Variants in TRIM3 observed in about 807,000 individuals in gnomAD.
The protein encoded by TRIM3 is tripartite motif-containing protein 3.
TRIM3 carries 13 observed loss-of-function variants against 66.6 expected under a neutral mutation model. The ratio of observed to expected loss-of-function variants is 0.20; its 90% confidence interval spans 0.13 to 0.31. The LOEUF (loss-of-function observed/expected upper bound fraction) is 0.31. Among genes scored for constraint, TRIM3 ranks in the 10% least tolerant of loss-of-function variants. The probability of loss-of-function intolerance (pLI) is 1.00; values close to 1 mark genes in which losing one functional copy is unlikely to be tolerated. For synonymous variants in TRIM3, 406 were observed against 411.7 expected (o/e 0.99, Z 0.17); for missense variants, 711 against 1,020.4 (o/e 0.70, Z 4.13).
Position 6,451,456 on chromosome 11 carries a change from G to A in TRIM3, c.1534-18C>T. ...GAGAAAACCTGGAGCAGAGGAGCAA[G>A]GGGAGGGAGCAGGTAGGAGGGGAGA... On this transcript the variant is annotated intron_variant, in intron 7 of 11. Coordinates refer to ENST00000345851, the MANE Select transcript of TRIM3 (RefSeq NM_033278.4). The A allele has an allele frequency of 6.2e-7, 1 of 1,613,434 alleles. No homozygotes were observed. Among genetic ancestry groups the A allele is most frequent in the Non-Finnish European group, 8.5e-7 (1 of 1,179,504 alleles).
rs1368956155 is a variant in TRIM3, at chr11:6,456,621, G to T, written c.1105C>A (p.Pro369Thr). ...SAELRAEITG[P>T]DGTRLPVPVV... ...GGCACCGGAAGGCGCGTGCCGTCCG[G>T]GCCGGTGATCTCTGCACGCAGCTCA... is the stretch of plus-strand genomic sequence containing the variant. Residue 369 changes from proline to threonine, a missense_variant, in exon 6 of 12, where the codon CCG (proline) becomes ACG (threonine). Pro to Thr is a conservative substitution (Grantham distance 38). Transcript: ENST00000345851. This position sits in a 1 kb window ranked among gnomAD's most constrained non-coding sequence, Gnocchi z 6.4. 2 of 1,612,652 alleles carry T rather than the reference G, an allele frequency of 1.2e-6. No homozygotes were observed. The highest frequency in any genetic ancestry group is 2.7e-5 in the African/African-American group (2 of 74,934).
intron 2 of TRIM3, among the ~76,000 whole-genome samples, chr11:6,463,454 A>G (rs1850325419): frequency 6.6e-6 from 1 of 152,128 alleles, no homozygotes; most frequent in African/African-American, 2.4e-5. Flanking sequence ...GGCACAGGAG[A>G]AAGTGCAGAG....
Position 6,449,812 on chromosome 11 carries a change from G to C in TRIM3, c.1942-366C>G. ...ATTCCATCTCAAATCCCTCTCTCAA[G>C]TCTATACCCTATGCATACACTGTCT... On this transcript the variant is annotated intron_variant, in intron 10 of 11. Transcript: ENST00000345851. The surrounding 1 kb of genome is among the most constrained non-coding windows in gnomAD (Gnocchi z 5.3). The C allele has an allele frequency of 4.4e-6, 1 of 226,246 alleles. No individual in the cohort carries two copies. The allele number at this position is 226,246 out of a possible 1,614,324, so 14.0% of individuals were successfully genotyped here.
chr11:6,469,311 T>TC (rs1348660174), intron 1 of TRIM3, among the ~76,000 whole-genome samples: 1 of 152,016 alleles, frequency 6.6e-6, no homozygotes, highest in East Asian at 1.9e-4. Flanking sequence ...CAATAGCTCC[T>TC]CCCCCACTCC....
chr11:6,463,074 G>A (rs1043782631), intron 2 of TRIM3, among the ~76,000 whole-genome samples: 5 of 150,730 alleles, frequency 3.3e-5, no homozygotes, highest in Non-Finnish European at 5.9e-5. Flanking sequence ...ATGTGGTGGC[G>A]TGCGCCTGTA....
In TRIM3 at chr11:6,450,567, T is replaced by C; in HGVS notation, c.1925A>G (p.His642Arg). 2 of 1,614,200 alleles carry C rather than the reference T, an allele frequency of 1.2e-6. No homozygotes were observed. Among genetic ancestry groups the C allele is most frequent in the Non-Finnish European group, 1.7e-6 (2 of 1,180,028 alleles). The change falls in exon 10 of 12, where the codon CAT (histidine) becomes CGT (arginine). Residue 642 changes from histidine (H) to arginine (R), a missense_variant. Coordinates refer to ENST00000345851, the MANE Select transcript of TRIM3 (RefSeq NM_033278.4). The surrounding 1 kb of genome is among the most constrained non-coding windows in gnomAD (Gnocchi z 4.8). Reference sequence around the variant, plus strand: ...GACACTGACCTTCACTGAATGGTTATGGAAGTCCGTTACTACAATTTCATT... The same window carrying C: ...GACACTGACCTTCACTGAATGGTTACGGAAGTCCGTTACTACAATTTCATT... ...NKNEIVVTDF[H>R]NHSVKVYSAD...
chr11:6,460,426 C>G (rs969826743), intron 2 of TRIM3, among the ~76,000 whole-genome samples: 1 of 151,862 alleles, frequency 6.6e-6, no homozygotes, highest in African/African-American at 2.4e-5. Flanking sequence ...ATGGAGGAGT[C>G]AGGAGAGAAG....
At chr11:6,452,706 T>A (rs971993549) in intron 7 of TRIM3, 2 of 152,190 alleles carry the variant, frequency 1.3e-5, no homozygotes, top group Admixed American at 6.5e-5. Flanking sequence ...GGAGATACCA[T>A]GAGCTCCACG....
intron 7 of TRIM3, among the ~76,000 whole-genome samples, chr11:6,453,690 G>C (rs1033021600): frequency 1.3e-5 from 2 of 152,170 alleles, no homozygotes; most frequent in African/African-American, 4.8e-5. Flanking sequence ...ATTACACAAG[G>C]ACATAATATA....
At chr11:6,461,798 T>C (rs1850252904) in intron 2 of TRIM3, among the ~76,000 whole-genome samples, 1 of 152,224 alleles carries the variant, frequency 6.6e-6, no homozygotes, top group Non-Finnish European at 1.5e-5. Flanking sequence ...TGCTCCTTTA[T>C]AATCCATTCT....
Position 6,450,918 on chromosome 11 carries a change from C to T in TRIM3, c.1844G>A (p.Arg615His), listed in dbSNP as rs115283984. The change falls in exon 9 of 12, where the codon CGT (arginine) becomes CAT (histidine). Residue 615 changes from arginine to histidine, a missense_variant. Arg to His is a conservative substitution (Grantham distance 29). Coordinates refer to ENST00000345851, the MANE Select transcript of TRIM3 (RefSeq NM_033278.4). The surrounding 1 kb of genome is among the most constrained non-coding windows in gnomAD (Gnocchi z 4.8). Reference protein sequence around the residue: ...NGKLVGRFGGRGATDRHFAGP... With the variant: ...NGKLVGRFGGHGATDRHFAGP... The stretch of plus-strand genomic sequence containing the variant: ...TGCAAAGTGGCGGTCAGTGGCCCCA[C>T]GGCCCCCAAAACGGCCAACCAGTTT... The T allele has an allele frequency of 8.1e-6, 13 of 1,614,138 alleles. No individual in the cohort carries two copies. The East Asian group carries it at 8.9e-5, about 11-fold the overall frequency.
intron 1 of TRIM3, among the ~76,000 whole-genome samples, chr11:6,467,342 G>C (rs1036190540): frequency 7.2e-5 from 11 of 152,154 alleles, no homozygotes; most frequent in East Asian, 3.8e-4. Flanking sequence ...CATGATAAAG[G>C]TTCTTAGGCA....
chr11:6,471,876 T>C (rs567605316), intron 1 of TRIM3, among the ~76,000 whole-genome samples: 1 of 151,780 alleles, frequency 6.6e-6, no homozygotes, highest in East Asian at 1.9e-4. Flanking sequence ...AACTAAGAAA[T>C]ATGGAACAGA....
At chr11:6,468,538 G>A (rs1378935382) in intron 1 of TRIM3, among the ~76,000 whole-genome samples, 1 of 152,158 alleles carries the variant, frequency 6.6e-6, no homozygotes, top group African/African-American at 2.4e-5. Context: ...AGAAATGGTA[G>A]GAAAACCAAA....
chr11:6,465,443 G>T, intron 2 of TRIM3, 122 bp downstream of exon 2: 1 of 1,254,738 alleles, frequency 8.0e-7, no homozygotes. Context: ...CTCCTCCCAG[G>T]TAAGCATGTT....
rs764617582 is a variant in TRIM3, at chr11:6,456,039, T to C, written c.1533+33A>G. On this transcript the variant is annotated intron_variant, in intron 7 of 11. Transcript: ENST00000345851. This position sits in a 1 kb window ranked among gnomAD's most constrained non-coding sequence, Gnocchi z 6.4. ...AGCCTGTAGCTTGAAAACTCTTATT[T>C]TGGTGGTGGAGGAGAGCGGTAAAGG... 4 of 1,597,826 alleles carry C rather than the reference T, an allele frequency of 2.5e-6. No homozygotes were observed. The highest frequency in any genetic ancestry group is 2.7e-5 in the African/African-American group (2 of 74,578).
At position 6,450,836 on chromosome 11, in the gene TRIM3, G is replaced by A. The variant is rs990989740; in HGVS notation, c.1870+56C>T. On this transcript the variant is annotated intron_variant, in intron 9 of 11. Coordinates refer to ENST00000345851, the MANE Select transcript of TRIM3 (RefSeq NM_033278.4). This position sits in a 1 kb window ranked among gnomAD's most constrained non-coding sequence, Gnocchi z 4.8. ...AGGGCCTTTACAGCTGGGGTATCTA[G>A]GGGAGTTCTCTGGAACAGGGGTATC... 6.1e-5 allele frequency: 98 copies of A among 1,602,974 alleles called. No homozygotes were observed. The highest frequency in any genetic ancestry group is 8.2e-5 in the Non-Finnish European group (96 of 1,172,522).
intron 8 of TRIM3, 53 bp downstream of exon 8, chr11:6,451,218 C>A: frequency 6.2e-7 from 1 of 1,607,106 alleles, no homozygotes; most frequent in South Asian, 1.1e-5. Flanking sequence ...AGGCACTAGA[C>A]TGGTCAGTTC....
At position 6,458,290 on chromosome 11, in the gene TRIM3, G is replaced by C; in HGVS notation, c.138C>G (p.Leu46=). The C allele has an allele frequency of 6.2e-7, 1 of 1,612,792 alleles. No homozygotes were observed. The highest frequency in any genetic ancestry group is 8.5e-7 in the Non-Finnish European group (1 of 1,178,956). The change falls in exon 3 of 12, where the codon CTC becomes CTG. Residue 46 remains leucine (L), a synonymous_variant. Transcript: ENST00000345851. The surrounding 1 kb of genome is among the most constrained non-coding windows in gnomAD (Gnocchi z 6.2). ...PCLHTFCERC[L]QNYIPAQSLT... ...GGCTCTGGGCAGGGATATAGTTTTG[G>C]AGACATCTGTCCAGGAAGGAGAGTC...
Sources: allele counts gnomAD v4.1 joint callset (sites outside exome capture counted in the v4.1 genomes callset), GRCh38; gene constraint gnomAD v4.1.1; non-coding constraint Gnocchi (gnomAD v3.1); transcripts MANE v1.5; gene names NCBI Gene and HGNC (gene_info 2026-07-23, HGNC 2026-07-21).